Variants in ARMC8 observed in about 807,000 individuals in gnomAD.
ARMC8 encodes the protein armadillo repeat-containing protein 8.
Under a neutral mutation model 99.3 loss-of-function variants are expected in ARMC8, and 20 were observed. The ratio of observed to expected loss-of-function variants is 0.20; its 90% CI spans 0.14 to 0.29. ARMC8 has a LOEUF of 0.29. Ranked by LOEUF, ARMC8 falls within the 10% of genes least tolerant of loss-of-function variation. The pLI is 1.00. For missense variants in ARMC8, 569 were observed against 809.5 expected, an observed-to-expected ratio of 0.70 and a Z score of 3.60; for synonymous variants, 263 against 278.3, an observed-to-expected ratio of 0.95 and a Z score of 0.55.
chr3:138,246,593 C>T (rs945530978), intron 12 of ARMC8: 15 of 985,430 alleles, frequency 1.5e-5, no homozygotes, highest in Non-Finnish European at 1.7e-5. Context: ...GTATTTTACC[C>T]ATTCTTAAAG....
At chr3:138,196,260 C>T (rs548202100) in intron 1 of ARMC8, among the ~76,000 whole-genome samples, 5 of 152,104 alleles carry the variant, frequency 3.3e-5, no homozygotes, top group African/African-American at 7.2e-5. Flanking sequence ...TCTTCTGAGA[C>T]GGTGAGAATT....
chr3:138,223,207 T>A (rs886833446), intron 3 of ARMC8, among the ~76,000 whole-genome samples, 182 bp from the exon 4 acceptor site: 3 of 152,162 alleles, frequency 2.0e-5, no homozygotes, highest in African/African-American at 7.2e-5. Flanking sequence ...TTTCAAAACC[T>A]CTTCTAGATT....
intron 19 of ARMC8, among the ~76,000 whole-genome samples, chr3:138,286,016 C>G (rs1170989101): frequency 6.6e-6 from 1 of 152,188 alleles, no homozygotes; most frequent in Non-Finnish European, 1.5e-5. Flanking sequence ...GCGATCTTGG[C>G]TCACCACAAC....
chr3:138,247,029 G>A, intron 12 of ARMC8: 1 of 290,970 alleles, frequency 3.4e-6, no homozygotes, highest in African/African-American at 2.3e-5. Context: ...GAGATAAATT[G>A]TAAAATGGAA....
chr3:138,262,694 A>G, intron 12 of ARMC8: 1 of 1,090,980 alleles, frequency 9.2e-7, no homozygotes, highest in Non-Finnish European at 1.2e-6. Context: ...AAAAAAAAAA[A>G]TCTCCCCAGG....
chr3:138,199,138 A>G (rs1019768823), intron 1 of ARMC8, among the ~76,000 whole-genome samples: 3 of 152,116 alleles, frequency 2.0e-5, no homozygotes, highest in Admixed American at 1.3e-4. Flanking sequence ...AGCTTTGATT[A>G]ATCTTGGGAG....
intron 5 of ARMC8, 31 bp downstream of exon 5, chr3:138,223,764 T>TACATTTCACCA (rs757602419): frequency 1.3e-6 from 2 of 1,558,378 alleles, no homozygotes; most frequent in African/African-American, 2.7e-5. Context: ...AGACATTAGT[T>TACATTTCACCA]ACATTTCACC....
At chr3:138,209,728 A>G (rs1173512011) in intron 1 of ARMC8, 89 bp from the exon 2 acceptor site, 2 of 1,115,654 alleles carry the variant, frequency 1.8e-6, no homozygotes, top group South Asian at 1.3e-5. Flanking sequence ...CTTAAGTTAA[A>G]TTATCTAGTC....
intron 12 of ARMC8, chr3:138,261,579 T>C (rs1316621548): frequency 6.6e-6 from 1 of 152,204 alleles, no homozygotes; most frequent in Non-Finnish European, 1.5e-5. Context: ...TATTGTTATA[T>C]ATAAGAGATG....
At chr3:138,270,258 T>C (rs2048663830) in intron 16 of ARMC8, 126 bp downstream of exon 16, 2 of 733,544 alleles carry the variant, frequency 2.7e-6, no homozygotes, top group Admixed American at 2.7e-5. Context: ...TATTTTGTTC[T>C]AGTTTTCTAA....
intron 1 of ARMC8, among the ~76,000 whole-genome samples, chr3:138,189,860 C>T (rs956084035): frequency 1.3e-5 from 2 of 152,164 alleles, no homozygotes; most frequent in African/African-American, 4.8e-5. Context: ...AAGCACATTC[C>T]TTCTCCTAAG....
chr3:138,209,805 C>T lies in ARMC8; in HGVS notation c.46-12C>T. On this transcript the variant is annotated splice_polypyrimidine_tract_variant and intron_variant, in intron 1 of 21. Coordinates refer to ENST00000469044, the MANE Select transcript of ARMC8 (RefSeq NM_001363941.2). The stretch of plus-strand genomic sequence containing the variant: ...GGCTTCAGATGTCATAATTTTTCCC[C>T]CCACTTTCTAGGAAGTAACAGCTAG... The T allele has an allele frequency of 6.2e-7, 1 of 1,612,766 alleles. No individual in the cohort carries two copies. The highest frequency in any genetic ancestry group is 8.5e-7 in the Non-Finnish European group (1 of 1,179,118).
intron 1 of ARMC8, chr3:138,187,907 G>A (rs1053483540): frequency 9.7e-5 from 43 of 444,956 alleles, no homozygotes; most frequent in Middle Eastern, 6.0e-4. Context: ...TTTGCCAAGC[G>A]TTTCACTGAG....
In ARMC8 at chr3:138,266,799, T is replaced by C. The variant is rs527493209; in HGVS notation, c.1300-356T>C. 2.1e-4 allele frequency among the ~76,000 whole-genome samples: 32 copies of C among 152,274 alleles called. No individual in the cohort carries two copies. The South Asian group carries it at 6.2e-3, about 30-fold the overall frequency. ...CAGGCTGTAGGACCATTCTGTAGAC[T>C]CATAAGGGGCTTGACTGATGGAGTA... On this transcript the variant is annotated intron_variant, in intron 14 of 21. Coordinates refer to ENST00000469044, the MANE Select transcript of ARMC8 (RefSeq NM_001363941.2).
chr3:138,193,261 G>A (rs995153316), intron 1 of ARMC8, among the ~76,000 whole-genome samples: 18 of 151,552 alleles, frequency 1.2e-4, no homozygotes, highest in East Asian at 2.0e-4. Flanking sequence ...GAGCCACCGC[G>A]CCGGCTTATC....
chr3:138,281,713 C>T (rs1003913470), intron 18 of ARMC8, among the ~76,000 whole-genome samples: 1 of 152,140 alleles, frequency 6.6e-6, no homozygotes, highest in African/African-American at 2.4e-5. Context: ...GATGCATGGG[C>T]GTATTCTAAC....
intron 12 of ARMC8, among the ~76,000 whole-genome samples, chr3:138,251,932 T>A (rs1390050295): frequency 6.6e-6 from 1 of 152,198 alleles, no homozygotes; most frequent in African/African-American, 2.4e-5. Context: ...CTTTATTAGA[T>A]CTGTAAATCT....
At chr3:138,271,234 A>C (rs912777675) in intron 16 of ARMC8, among the ~76,000 whole-genome samples, 2 of 152,164 alleles carry the variant, frequency 1.3e-5, no homozygotes, top group African/African-American at 2.4e-5. Flanking sequence ...CTCTTTCTTG[A>C]AACTCCTTCC....
chr3:138,239,480 G>T lies in ARMC8; in HGVS notation c.789G>T (p.Met263Ile). 1 of 1,601,510 alleles carries T rather than the reference G, an allele frequency of 6.2e-7. No individual in the cohort carries two copies. ...TGTCTTATTCCAGTTTAACTTACAT[G>T]TGTAGAGCTGGAGCAATTCGGACAG... ...QLTSAKCLTY[M>I]CRAGAIRTDD... The change falls in exon 10 of 22, where the codon ATG becomes ATT. Residue 263 changes from methionine (M) to isoleucine (I), a missense_variant. Physicochemically the swap from Met to Ile is conservative, Grantham distance 10 (BLOSUM62 1). Coordinates refer to ENST00000469044, the MANE Select transcript of ARMC8 (RefSeq NM_001363941.2).
Sources: gnomAD v4.1 joint callset for allele counts (sites outside exome capture counted in the v4.1 genomes callset) on GRCh38, gnomAD v4.1.1 for gene constraint, MANE v1.5 for transcripts, NCBI Gene and HGNC (gene_info 2026-07-23, HGNC 2026-07-21) for gene names.